GLRA1: variants seen among roughly 807,000 people sequenced by gnomAD.
GLRA1 encodes the protein glycine receptor alpha 1, also known as glycine receptor subunit alpha-1.
In GLRA1, 37 loss-of-function variants were observed where a neutral mutation model predicts 48.3. That is an observed-to-expected ratio of 0.77 (90% CI 0.59 to 1.01). The LOEUF (loss-of-function observed/expected upper bound fraction) is 1.01. Ranked by LOEUF, GLRA1 falls within the 50% of genes least tolerant of loss-of-function variation. The pLI is 0.00. For missense variants in GLRA1, 427 were observed against 571.0 expected, an observed-to-expected ratio of 0.75 and a Z score of 2.57; for synonymous variants, 196 against 210.7, an observed-to-expected ratio of 0.93 and a Z score of 0.60.
chr5:151,850,123 C>T (rs1453641578), intron 7 of GLRA1: 1 of 1,604,120 alleles, frequency 6.2e-7, no homozygotes, highest in African/African-American at 1.3e-5. Flanking sequence ...TTTGGTTGGC[C>T]TTCCAATGGC....
chr5:151,921,559 G>C (rs1233546358), intron 1 of GLRA1, among the ~76,000 whole-genome samples: 1 of 152,226 alleles, frequency 6.6e-6, no homozygotes, highest in African/African-American at 2.4e-5. Flanking sequence ...AGAAACATGT[G>C]TCTGTTTGAG....
intron 3 of GLRA1, among the ~76,000 whole-genome samples, chr5:151,884,336 C>T (rs983971710): frequency 1.3e-5 from 2 of 151,976 alleles, no homozygotes; most frequent in Non-Finnish European, 2.9e-5. Flanking sequence ...GGCTGAGGCA[C>T]AAGAATTGCT....
chr5:151,922,937 C>A (rs1754916341), intron 1 of GLRA1, among the ~76,000 whole-genome samples: 1 of 152,292 alleles, frequency 6.6e-6, no homozygotes, highest in Non-Finnish European at 1.5e-5. Flanking sequence ...TACAAAGTAC[C>A]CAACCTCCAT....
Position 151,850,313 on chromosome 5 carries a change from C to G in GLRA1, c.912+1077G>C, listed in dbSNP as rs1752867319. On this transcript the variant is annotated intron_variant, in intron 7 of 8. Coordinates refer to ENST00000274576, the MANE Select transcript of GLRA1 (RefSeq NM_000171.4). The stretch of plus-strand genomic sequence containing the variant: ...AAACCGGACCCTGTGAAAGAATCAG[C>G]ATGGGAGATCATTTCTGGGTGGGCT... 17 of 1,584,514 alleles carry G rather than the reference C, an allele frequency of 1.1e-5. No individual in the cohort carries two copies. In the South Asian group the frequency reaches 1.8e-4, roughly 17 times the overall value.
chr5:151,873,130 G>A (rs1411926310), intron 3 of GLRA1, among the ~76,000 whole-genome samples: 1 of 149,392 alleles, frequency 6.7e-6, no homozygotes, highest in Non-Finnish European at 1.5e-5. Context: ...AATGTTCCAG[G>A]GTGCTGCTGT....
At chr5:151,833,828 A>G (rs1181063850) in intron 7 of GLRA1, among the ~76,000 whole-genome samples, 1 of 139,950 alleles carries the variant, frequency 7.1e-6, no homozygotes, top group Non-Finnish European at 1.6e-5. Context: ...AGGGGTTGCA[A>G]TCCTAGTTTC....
At chr5:151,828,389 G>A (rs372177700) in intron 8 of GLRA1, among the ~76,000 whole-genome samples, 74 of 152,260 alleles carry the variant, frequency 4.9e-4, no homozygotes, top group South Asian at 3.7e-3. Flanking sequence ...CTTCTCAGAG[G>A]TGCCCTGTCA....
intron 4 of GLRA1, among the ~76,000 whole-genome samples, chr5:151,857,039 C>A (rs1041254241): frequency 6.6e-6 from 1 of 152,156 alleles, no homozygotes; most frequent in African/African-American, 2.4e-5. Context: ...CCGGGCCTGG[C>A]GGCAGGCTCT....
chr5:151,829,694 AT>A (rs1390891189), intron 7 of GLRA1, among the ~76,000 whole-genome samples: 4 of 152,224 alleles, frequency 2.6e-5, no homozygotes, highest in African/African-American at 9.6e-5. Flanking sequence ...ATGTGCAATC[AT>A]CATCATCAGT....
intron 8 of GLRA1, among the ~76,000 whole-genome samples, chr5:151,824,936 G>A (rs966238642): frequency 6.6e-6 from 1 of 152,118 alleles, no homozygotes; most frequent in East Asian, 1.9e-4. Context: ...ATCTTCACCA[G>A]CTTTAGTGTC....
intron 4 of GLRA1, among the ~76,000 whole-genome samples, chr5:151,857,441 T>C (rs1236533222): frequency 6.6e-6 from 1 of 152,182 alleles, no homozygotes; most frequent in African/African-American, 2.4e-5. Context: ...TCCTTACTCT[T>C]CTGCATAGCC....
At chr5:151,833,132 A>G (rs1763468418) in intron 7 of GLRA1, among the ~76,000 whole-genome samples, 1 of 152,336 alleles carries the variant, frequency 6.6e-6, no homozygotes, top group African/African-American at 2.4e-5. Context: ...CCTGTCTCAC[A>G]AGAACTCCTG....
At chr5:151,833,367 G>T (rs1204195352) in intron 7 of GLRA1, among the ~76,000 whole-genome samples, 1 of 152,162 alleles carries the variant, frequency 6.6e-6, no homozygotes, top group Non-Finnish European at 1.5e-5. Flanking sequence ...ATTGGATAAA[G>T]AATCAAGACT....
At chr5:151,834,361 G>A (rs1174638436) in intron 7 of GLRA1, among the ~76,000 whole-genome samples, 3 of 152,142 alleles carry the variant, frequency 2.0e-5, no homozygotes, top group African/African-American at 7.2e-5. Context: ...TAAACAACCT[G>A]CTCCTGAATA....
At chr5:151,860,586 GAA>G (rs1222099632) in intron 3 of GLRA1, among the ~76,000 whole-genome samples, 5 of 152,204 alleles carry the variant, frequency 3.3e-5, no homozygotes, top group Non-Finnish European at 7.3e-5. Context: ...ATGGGCGGAA[GAA>G]TTCTGTAGTG....
intron 1 of GLRA1, among the ~76,000 whole-genome samples, chr5:151,919,137 G>T (rs958464329): frequency 6.6e-6 from 1 of 152,046 alleles, no homozygotes; most frequent in Non-Finnish European, 1.5e-5. Flanking sequence ...TTTTTCTTAG[G>T]TCAACTCAAT....
chr5:151,859,344 A>G (rs1753132293), intron 4 of GLRA1, among the ~76,000 whole-genome samples: 2 of 152,188 alleles, frequency 1.3e-5, no homozygotes, highest in Middle Eastern at 3.2e-3. Context: ...AGTTTGGGGG[A>G]TAGATTTTAT....
intron 2 of GLRA1, among the ~76,000 whole-genome samples, chr5:151,889,762 G>T (rs1754012191): frequency 6.6e-6 from 1 of 152,080 alleles, no homozygotes; most frequent in African/African-American, 2.4e-5. Flanking sequence ...AATCTGATTT[G>T]TGTCGGTGGA....
At chr5:151,855,003 G>T in intron 6 of GLRA1, 37 bp downstream of exon 6, 4 of 1,607,418 alleles carry the variant, frequency 2.5e-6, no homozygotes, top group Non-Finnish European at 3.4e-6. Context: ...GTCCTGGTTG[G>T]GGGGTGGGAT....
Sources: gnomAD v4.1 joint callset for allele counts (sites outside exome capture counted in the v4.1 genomes callset) on GRCh38, gnomAD v4.1.1 for gene constraint, MANE v1.5 for transcripts, NCBI Gene and HGNC (gene_info 2026-07-23, HGNC 2026-07-21) for gene names.